Variants in NAV1 observed in about 807,000 individuals in gnomAD.
NAV1 encodes neuron navigator 1, also known as pore membrane and/or filament interacting like protein 3.
NAV1 carries 18 observed loss-of-function variants against 175.2 expected under a neutral mutation model. That is an observed-to-expected ratio of 0.10 (90% CI 0.07 to 0.15). NAV1 has a LOEUF of 0.15. Among genes scored for constraint, NAV1 ranks in the 10% least tolerant of loss-of-function variants. The probability of loss-of-function intolerance (pLI) is 1.00; values close to 1 mark genes in which losing one functional copy is unlikely to be tolerated. For missense variants in NAV1, 1,731 were observed against 2,436.6 expected, an observed-to-expected ratio of 0.71 and a Z score of 6.10; for synonymous variants, 897 against 978.7, an observed-to-expected ratio of 0.92 and a Z score of 1.56.
In NAV1 at chr1:201,794,591, C is replaced by T. The variant is rs759806268; in HGVS notation, c.3517+14C>T. 5.0e-6 allele frequency: 8 copies of T among 1,601,810 alleles called. 1 individual carries two copies. In the South Asian group the frequency reaches 8.8e-5, roughly 18 times the overall value. On this transcript the variant is annotated intron_variant, in intron 15 of 29. Transcript: ENST00000367296. ...CCACACCCAAAGGTAGGACATCCAG[C>T]CACAGATTGAGAGGGAACAGGGAGC...
intron 1 of NAV1, among the ~76,000 whole-genome samples, chr1:201,697,148 G>A (rs902004327): frequency 8.5e-5 from 13 of 152,122 alleles, no homozygotes; most frequent in Admixed American, 7.2e-4. Flanking sequence ...AGGGAGTTCC[G>A]GGGCCTTAGT....
chr1:201,567,749 C>T (rs976335083), intron 1 of NAV1, among the ~76,000 whole-genome samples: 1 of 152,150 alleles, frequency 6.6e-6, no homozygotes, highest in Non-Finnish European at 1.5e-5. Flanking sequence ...GACATGTCTA[C>T]CCATGAGAGA....
At chr1:201,764,763 G>A (rs924347044) in intron 3 of NAV1, among the ~76,000 whole-genome samples, 6 of 151,940 alleles carry the variant, frequency 3.9e-5, no homozygotes, top group African/African-American at 1.5e-4. Context: ...ACACATTTGA[G>A]AATCTGAAAG....
chr1:201,560,977 A>T (rs937229760), intron 1 of NAV1, among the ~76,000 whole-genome samples: 7 of 152,240 alleles, frequency 4.6e-5, no homozygotes, highest in Non-Finnish European at 7.3e-5. Context: ...AGTGGCGTGC[A>T]GCAGTCGCTA....
chr1:201,818,520 CT>C (rs1286170611), intron 29 of NAV1, among the ~76,000 whole-genome samples: 1 of 145,804 alleles, frequency 6.9e-6, no homozygotes, highest in Non-Finnish European at 1.5e-5. Flanking sequence ...CAGAGCGAGA[CT>C]CCCTCTCAAA....
At chr1:201,733,384 A>G (rs1558107953) in intron 3 of NAV1, 2 of 152,220 alleles carry the variant, frequency 1.3e-5, no homozygotes, top group Admixed American at 6.5e-5. Flanking sequence ...CTTCTCAAAA[A>G]AGAAAAAAGA....
chr1:201,654,071 T>A (rs1185653676), intron 1 of NAV1, among the ~76,000 whole-genome samples: 1 of 152,188 alleles, frequency 6.6e-6, no homozygotes, highest in Non-Finnish European at 1.5e-5. Context: ...AGCCCATGGC[T>A]CTGCCTCTGA....
At chr1:201,570,701 G>C (rs772031740) in intron 1 of NAV1, among the ~76,000 whole-genome samples, 3 of 152,224 alleles carry the variant, frequency 2.0e-5, no homozygotes, top group African/African-American at 7.2e-5. Flanking sequence ...AGCCCAGCAG[G>C]CAGTCTCCCT....
chr1:201,564,964 A>G (rs1666308872), intron 1 of NAV1, among the ~76,000 whole-genome samples: 1 of 152,092 alleles, frequency 6.6e-6, no homozygotes. Flanking sequence ...GCTTTTAAGG[A>G]CTCATGTGAT....
chr1:201,808,149 A>G lies in NAV1; in HGVS notation c.3845A>G (p.Glu1282Gly), dbSNP rs747212808. ...TCCTCCGTGGGCACTGATGTCACCG[A>G]GTAAGTGCTCTTTGGCTCCCTGCCA... Residue 1282 changes from glutamate to glycine, a missense_variant and splice_region_variant, in exon 18 of 30, where the codon GAG (glutamate) becomes GGG (glycine). Glu to Gly is a moderately conservative substitution (Grantham distance 98, BLOSUM62 -2). Coordinates refer to ENST00000367296, the Ensembl canonical transcript of NAV1. This position sits in a 1 kb window ranked among gnomAD's most constrained non-coding sequence, Gnocchi z 5.5. 7.4e-6 allele frequency: 12 copies of G among 1,613,882 alleles called. No homozygotes were observed. The highest frequency in any genetic ancestry group is 1.3e-5 in the African/African-American group (1 of 74,908).
intron 13 of NAV1, 50 bp from the exon 18 acceptor site, chr1:201,793,742 T>C: frequency 6.5e-7 from 1 of 1,542,528 alleles, no homozygotes; most frequent in Non-Finnish European, 8.9e-7. Flanking sequence ...AGTTATTGCC[T>C]TTCCCCCAGC....
chr1:201,544,403 G>A (rs1237044217), intron 1 of NAV1, among the ~76,000 whole-genome samples: 3 of 152,154 alleles, frequency 2.0e-5, no homozygotes, highest in Non-Finnish European at 4.4e-5. Flanking sequence ...TGTAAATAGA[G>A]TAAATACCAA....
At chr1:201,659,055 C>T (rs1669511707) in intron 1 of NAV1, among the ~76,000 whole-genome samples, 1 of 152,214 alleles carries the variant, frequency 6.6e-6, no homozygotes, top group South Asian at 2.1e-4. Context: ...AGAGTTGTTC[C>T]TCCACTGCCC....
chr1:201,800,359 A>C (rs1262534411), intron 15 of NAV1, among the ~76,000 whole-genome samples: 2 of 152,208 alleles, frequency 1.3e-5, no homozygotes, highest in Non-Finnish European at 2.9e-5. Context: ...CATAAAAGCA[A>C]TGCATGTTCT....
In NAV1 at chr1:201,808,919, C is replaced by A. The variant is rs1326865489; in HGVS notation, c.4207+48C>A. On this transcript the variant is annotated intron_variant, in intron 20 of 29. Coordinates refer to ENST00000367296, the Ensembl canonical transcript of NAV1. This position sits in a 1 kb window ranked among gnomAD's most constrained non-coding sequence, Gnocchi z 5.5. ...TATAAGGGTGAAGGGAAGAAAAGGG[C>A]TTATTTCACTGTTACACCATTCCAC... The A allele has an allele frequency of 2.5e-6, 4 of 1,570,876 alleles. No homozygotes were observed. The highest frequency in any genetic ancestry group is 3.5e-6 in the Non-Finnish European group (4 of 1,156,426).
intron 2 of NAV1, among the ~76,000 whole-genome samples, chr1:201,605,824 TG>T (rs1301226630): frequency 6.6e-6 from 1 of 152,044 alleles, no homozygotes; most frequent in Non-Finnish European, 1.5e-5. Flanking sequence ...AAACAAGATT[TG>T]GGGCAACACA....
At chr1:201,547,366 A>G (rs1665704279) in intron 1 of NAV1, among the ~76,000 whole-genome samples, 1 of 152,198 alleles carries the variant, frequency 6.6e-6, no homozygotes, top group Non-Finnish European at 1.5e-5. Context: ...ATTGTTTAAT[A>G]TATGGCCAGA....
intron 1 of NAV1, among the ~76,000 whole-genome samples, chr1:201,670,380 CAAAAAAAAAAAAAA>C (rs58216500): frequency 4.1e-4 from 5 of 12,170 alleles, no homozygotes; most frequent in Non-Finnish European, 6.2e-4. Context: ...GACTCCATCT[CAAAAAAAAAAAAAA>C]AAAAAAAAAA....
intron 3 of NAV1, among the ~76,000 whole-genome samples, chr1:201,726,782 G>A (rs1386414605): frequency 6.6e-6 from 1 of 152,170 alleles, no homozygotes; most frequent in Non-Finnish European, 1.5e-5. Flanking sequence ...TGGAAGATGA[G>A]GACATTAAAT....
Sources: allele counts gnomAD v4.1 joint callset (sites outside exome capture counted in the v4.1 genomes callset), GRCh38; gene constraint gnomAD v4.1.1; non-coding constraint Gnocchi (gnomAD v3.1); transcripts MANE v1.5; gene names NCBI Gene and HGNC (gene_info 2026-07-23, HGNC 2026-07-21).